The following PAN3 variants were observed in gnomAD, a reference collection of about 807,000 sequenced individuals.
PAN3 encodes the protein PAN2-PAN3 deadenylation complex subunit PAN3.
Under a neutral mutation model 96.2 loss-of-function variants are expected in PAN3, and 19 were observed. The ratio of observed to expected loss-of-function variants is 0.20; its 90% CI spans 0.14 to 0.29. PAN3 has a LOEUF of 0.29. Ranked by LOEUF, PAN3 falls within the 10% of genes least tolerant of loss-of-function variation. PAN3 has a pLI of 1.00. For missense variants in PAN3, 882 were observed against 1,108.1 expected (o/e 0.80, Z 2.90); for synonymous variants, 433 against 406.6 (o/e 1.06, Z -0.78).
At chr13:28,267,444 T>G in intron 12 of PAN3, 43 bp downstream of exon 12, 1 of 1,488,358 alleles carries the variant, frequency 6.7e-7, no homozygotes, top group Non-Finnish European at 9.4e-7. Flanking sequence ...ACTAATGCTT[T>G]TGCTCTGTGG....
At chr13:28,158,106 C>T (rs1872450156) in intron 1 of PAN3, among the ~76,000 whole-genome samples, 1 of 152,168 alleles carries the variant, frequency 6.6e-6, no homozygotes, top group African/African-American at 2.4e-5. Context: ...GAAAGGAGTT[C>T]CTGTTCAGTA....
intron 15 of PAN3, among the ~76,000 whole-genome samples, chr13:28,278,073 A>G (rs1566255428): frequency 6.6e-6 from 1 of 152,374 alleles, no homozygotes; most frequent in East Asian, 1.9e-4. Flanking sequence ...CCTTTATTAC[A>G]GTTATGAGCT....
intron 6 of PAN3, among the ~76,000 whole-genome samples, chr13:28,245,101 C>T (rs1467808577): frequency 3.9e-5 from 6 of 152,158 alleles, no homozygotes; most frequent in Admixed American, 1.3e-4. Context: ...CCCACCTCGG[C>T]CTCCCAAAGC....
chr13:28,286,898 T>C (rs1295891518), intron 17 of PAN3, among the ~76,000 whole-genome samples: 1 of 152,174 alleles, frequency 6.6e-6, no homozygotes, highest in Non-Finnish European at 1.5e-5. Flanking sequence ...TTTTAAAACA[T>C]GTCCTAAGCT....
chr13:28,268,956 A>T (rs1205757445), intron 12 of PAN3, among the ~76,000 whole-genome samples: 2 of 152,000 alleles, frequency 1.3e-5, no homozygotes, highest in African/African-American at 4.8e-5. Flanking sequence ...GTGGAAGGGG[A>T]TGTGGTACAA....
intron 1 of PAN3, among the ~76,000 whole-genome samples, chr13:28,147,977 A>G (rs1870895528): frequency 6.6e-6 from 1 of 151,616 alleles, no homozygotes; most frequent in South Asian, 2.1e-4. Flanking sequence ...TCTTTTTGAG[A>G]CAAAGTCTTG....
intron 6 of PAN3, among the ~76,000 whole-genome samples, chr13:28,228,425 T>C (rs932079797): frequency 6.6e-6 from 1 of 152,184 alleles, no homozygotes; most frequent in African/African-American, 2.4e-5. Context: ...TACTCATAAA[T>C]GCCTGCAACA....
intron 4 of PAN3, among the ~76,000 whole-genome samples, chr13:28,192,875 T>C (rs1328753058): frequency 6.6e-6 from 1 of 152,244 alleles, no homozygotes; most frequent in East Asian, 1.9e-4. Flanking sequence ...AACTTTTCTA[T>C]GTAATCTTTC....
intron 6 of PAN3, among the ~76,000 whole-genome samples, chr13:28,243,653 G>A (rs770727067): frequency 7.9e-5 from 12 of 151,946 alleles, no homozygotes; most frequent in Non-Finnish European, 1.6e-4. Context: ...CTAACAGTGA[G>A]CCACTTTTAA....
Position 28,167,273 on chromosome 13 carries a change from A to G in PAN3, c.431-6999A>G, listed in dbSNP as rs1030280791. Among the ~76,000 whole-genome samples the G allele has an allele frequency of 6.7e-4, 97 of 145,704 alleles. 1 individual carries two copies. Among genetic ancestry groups the G allele is most frequent in the Admixed American group, 1.5e-3 (22 of 14,702 alleles). ...AGTGGCACAATCTCAGCTAGCTGCA[A>G]CCTCCACCTCCTGGGTTCAAGTGAT... On this transcript the variant is annotated intron_variant, in intron 1 of 18. Coordinates refer to ENST00000380958, the MANE Select transcript of PAN3 (RefSeq NM_175854.8).
At chr13:28,257,768 TATA>T (rs1288350659) in intron 7 of PAN3, among the ~76,000 whole-genome samples, 2 of 138,900 alleles carry the variant, frequency 1.4e-5, no homozygotes, top group African/African-American at 5.3e-5. Flanking sequence ...AATTATATAT[TATA>T]TATAAATTAT....
chr13:28,272,031 G>T lies in PAN3; in HGVS notation c.2009G>T (p.Ser670Ile). The T allele has an allele frequency of 6.3e-7, 1 of 1,593,606 alleles. No individual in the cohort carries two copies. Among genetic ancestry groups the T allele is most frequent in the Non-Finnish European group, 8.6e-7 (1 of 1,165,248 alleles). The change falls in exon 14 of 19, where the codon AGT (serine) becomes ATT (isoleucine). Residue 670 changes from serine to isoleucine, a missense_variant. By Grantham distance (142) the Ser-to-Ile change is moderately radical. This residue lies in a region of PAN3 where 364 missense variants were observed against 513.6 expected (regional missense o/e 0.71). Coordinates refer to ENST00000380958, the MANE Select transcript of PAN3 (RefSeq NM_175854.8). ...GVFDVLTFDNSQNNNPLALMA... is the reference protein window; with the variant it reads ...GVFDVLTFDNIQNNNPLALMA... The stretch of plus-strand genomic sequence containing the variant: ...TTTGATGTTTTAACATTTGATAACA[G>T]TCAAAATAATAATCCATTGGCATTA...
intron 1 of PAN3, among the ~76,000 whole-genome samples, chr13:28,169,010 C>T (rs562391608): frequency 6.0e-5 from 9 of 149,190 alleles, no homozygotes; most frequent in African/African-American, 1.7e-4. Context: ...AGCGAGACTC[C>T]GTCTCAAAAA....
intron 6 of PAN3, among the ~76,000 whole-genome samples, chr13:28,240,629 T>TTA (rs1404533346): frequency 6.6e-6 from 1 of 152,182 alleles, no homozygotes; most frequent in Non-Finnish European, 1.5e-5. Flanking sequence ...AAATTGGGCT[T>TTA]TAGACAAATG....
At chr13:28,263,192 C>G (rs1885877538) in intron 9 of PAN3, among the ~76,000 whole-genome samples, 2 of 152,224 alleles carry the variant, frequency 1.3e-5, no homozygotes, top group South Asian at 2.1e-4. Context: ...TCTGCAGTAA[C>G]TAAATCAATG....
intron 5 of PAN3, among the ~76,000 whole-genome samples, chr13:28,209,976 G>T (rs1405487824): frequency 6.6e-6 from 1 of 151,938 alleles, no homozygotes; most frequent in Non-Finnish European, 1.5e-5. Flanking sequence ...AGAGATGGGG[G>T]TCTTGCTTTG....
At chr13:28,235,753 T>C (rs1883041563) in intron 6 of PAN3, among the ~76,000 whole-genome samples, 1 of 149,104 alleles carries the variant, frequency 6.7e-6, no homozygotes, top group Non-Finnish European at 1.5e-5. Context: ...ATTTTAGAGA[T>C]AGGCTGTAGC....
chr13:28,249,848 A>G (rs140823253), intron 6 of PAN3, among the ~76,000 whole-genome samples: 178 of 152,286 alleles, frequency 1.2e-3, no homozygotes, highest in African/African-American at 4.1e-3. Flanking sequence ...TTTTACTGTC[A>G]GTGCTTATTC....
At chr13:28,269,728 CCTT>C (rs371792654) in intron 12 of PAN3, among the ~76,000 whole-genome samples, 25 of 152,170 alleles carry the variant, frequency 1.6e-4, no homozygotes, top group African/African-American at 6.0e-4. Context: ...TTTTTTTGAG[CCTT>C]CTTACACATA....
Sources: allele counts gnomAD v4.1 joint callset (sites outside exome capture counted in the v4.1 genomes callset), GRCh38; gene constraint gnomAD v4.1.1; regional missense constraint gnomAD v4.1.1; transcripts MANE v1.5; gene names NCBI Gene and HGNC (gene_info 2026-07-23, HGNC 2026-07-21).